Variants in MIB1 observed in about 807,000 individuals in gnomAD.
The protein encoded by MIB1 is MIB E3 ubiquitin protein ligase 1.
A neutral mutation model predicts 124.5 loss-of-function variants in MIB1; 278 were observed. The ratio of observed to expected loss-of-function variants is 2.23; its 90% CI spans 2.02 to 2.47. The LOEUF (loss-of-function observed/expected upper bound fraction) is 2.47. Ranked by LOEUF, MIB1 falls within the 30% of genes most tolerant of loss-of-function variation. The pLI, the probability that MIB1 is intolerant of heterozygous loss-of-function variation, is 0.00. For synonymous variants in MIB1, 446 were observed against 429.4 expected, an observed-to-expected ratio of 1.04 and a Z score of -0.48; for missense variants, 957 against 1,254.4, an observed-to-expected ratio of 0.76 and a Z score of 3.58.
chr18:21,788,740 T>C (rs2041467728), intron 6 of MIB1, among the ~76,000 whole-genome samples: 2 of 152,186 alleles, frequency 1.3e-5, no homozygotes, highest in Non-Finnish European at 2.9e-5. Context: ...ACAAAAGCTA[T>C]TGTAGCTAAT....
rs1161506223 is a variant in MIB1 at position 21,869,995 on chromosome 18, AT to A, written c.*5335del. The A allele has an allele frequency of 6.6e-5, 10 of 152,402 alleles. No individual in the cohort carries two copies. In the South Asian group the frequency reaches 2.1e-3, roughly 32 times the overall value. 9.4% of individuals were successfully genotyped at this position (152,402 alleles called of 1,614,324 possible). On this transcript the variant is annotated 3_prime_UTR_variant, in exon 21 of 21. Transcript: ENST00000261537. ...CAATTGACTCATAGCAGTGTTTTGT[AT>A]TTTTTCTAATTCTTTAGCTTTCAAT...
rs45471197 is a variant in MIB1 at position 21,746,410 on chromosome 18, G to A, written c.229+4598G>A. Among the ~76,000 whole-genome samples, 12 of 152,234 alleles carry A rather than the reference G, an allele frequency of 7.9e-5. No individual in the cohort carries two copies. The East Asian group carries it at 9.6e-4, about 12-fold the overall frequency. ...GGATAGTTAAACTTTGCAGAGAGGA[G>A]CATTTAGTATCTGTTTGAGTGATAT... On this transcript the variant is annotated intron_variant, in intron 1 of 20. Transcript: ENST00000261537.
chr18:21,728,501 A>C (rs949734698), intron 1 of MIB1, among the ~76,000 whole-genome samples: 3 of 152,220 alleles, frequency 2.0e-5, no homozygotes, highest in African/African-American at 4.8e-5. Context: ...CTCAAAAAAA[A>C]ACAAAAAACT....
At chr18:21,761,898 G>A (rs796279163) in intron 1 of MIB1, among the ~76,000 whole-genome samples, 14 of 151,770 alleles carry the variant, frequency 9.2e-5, no homozygotes, top group African/African-American at 3.4e-4. Context: ...CACACATGCC[G>A]ATGAGAGCAC....
chr18:21,717,465 A>G (rs1363482876), intron 1 of MIB1, among the ~76,000 whole-genome samples: 1 of 152,252 alleles, frequency 6.6e-6, no homozygotes, highest in Non-Finnish European at 1.5e-5. Context: ...GACAACCCAC[A>G]GAGTGGGAGA....
At position 21,838,352 on chromosome 18, in the gene MIB1, A is replaced by G; in HGVS notation, c.1830-13A>G. ...TTATGCAAATATAGAAATAATGTGA[A>G]TTTAACTTTCAGTGCAATGCGTGTT... On this transcript the variant is annotated splice_polypyrimidine_tract_variant and intron_variant, in intron 12 of 20. Coordinates refer to ENST00000261537, the MANE Select transcript of MIB1 (RefSeq NM_020774.4). The G allele has an allele frequency of 6.4e-7, 1 of 1,558,722 alleles. No homozygotes were observed. The highest frequency in any genetic ancestry group is 8.7e-7 in the Non-Finnish European group (1 of 1,150,388).
chr18:21,716,800 C>T (rs1287257356), intron 1 of MIB1, among the ~76,000 whole-genome samples: 1 of 151,926 alleles, frequency 6.6e-6, no homozygotes, highest in African/African-American at 2.4e-5. Flanking sequence ...TGCAGTGAGC[C>T]AAGATGGCGC....
At chr18:21,833,956 A>G (rs1440650314) in intron 12 of MIB1, among the ~76,000 whole-genome samples, 1 of 152,198 alleles carries the variant, frequency 6.6e-6, no homozygotes, top group African/African-American at 2.4e-5. Context: ...TCTAAATCTC[A>G]TATACTATGC....
At chr18:21,851,686 A>G (rs1394640350) in intron 17 of MIB1, among the ~76,000 whole-genome samples, 1 of 152,222 alleles carries the variant, frequency 6.6e-6, no homozygotes, top group Admixed American at 6.5e-5. Context: ...TAGCAAAAAT[A>G]CATTTTAAAA....
At chr18:21,850,658 T>C (rs1357303325) in intron 17 of MIB1, among the ~76,000 whole-genome samples, 1 of 152,202 alleles carries the variant, frequency 6.6e-6, no homozygotes, top group African/African-American at 2.4e-5. Flanking sequence ...CTTGATCAAT[T>C]CATAAAGCTG....
At position 21,819,499 on chromosome 18, in the gene MIB1, CTGAA is replaced by C; in HGVS notation, c.1683_1686del (p.Glu562ValfsTer9). On this transcript the variant is annotated frameshift_variant, in exon 12 of 21. Coordinates refer to ENST00000261537, the MANE Select transcript of MIB1 (RefSeq NM_020774.4). LOFTEE classifies it high-confidence loss of function. ...AAAATTTCTTTAAACTTAAAGGATT[CTGAA>C]GGTGATACCCCTCTTCATGATGCAA... The C allele has an allele frequency of 6.3e-7, 1 of 1,590,668 alleles. No homozygotes were observed. The highest frequency in any genetic ancestry group is 8.6e-7 in the Non-Finnish European group (1 of 1,165,458).
intron 8 of MIB1, among the ~76,000 whole-genome samples, chr18:21,798,775 T>C (rs2041615549): frequency 6.6e-6 from 1 of 152,116 alleles, no homozygotes; most frequent in African/African-American, 2.4e-5. Context: ...TAGTCTTTCT[T>C]TCCTGTGCTC....
rs111433074 is a variant in MIB1, at chr18:21,864,204, G to A, written c.2881-322G>A. Among the ~76,000 whole-genome samples the A allele has an allele frequency of 5.7e-4, 86 of 152,158 alleles. 1 individual carries two copies. Among genetic ancestry groups the A allele is most frequent in the African/African-American group, 1.9e-3 (77 of 41,522 alleles). On this transcript the variant is annotated intron_variant, in intron 20 of 20. Transcript: ENST00000261537. Reference sequence around the variant, plus strand: ...TGGCTTACTGCAATCTCTGCTGCCCGCGTTCAAGTGATTCTCGCGCCTCAG... The same window carrying A: ...TGGCTTACTGCAATCTCTGCTGCCCACGTTCAAGTGATTCTCGCGCCTCAG...
In MIB1 at chr18:21,838,490, TA is replaced by T; in HGVS notation, c.1956del (p.His653IlefsTer12). 1 of 1,594,424 alleles carries T rather than the reference TA, an allele frequency of 6.3e-7. No individual in the cohort carries two copies. Among genetic ancestry groups the T allele is most frequent in the South Asian group, 1.2e-5 (1 of 85,758 alleles). On this transcript the variant is annotated frameshift_variant, in exon 13 of 21. Coordinates refer to ENST00000261537, the MANE Select transcript of MIB1 (RefSeq NM_020774.4). LOFTEE classifies it high-confidence loss of function. ...NNHVEVAELL[V>X]HQGNANLDIQ... ...CACGTAGAAGTGGCTGAACTGTTGG[TA>T]CATCAGGTAAGAAAAGAGTTAAATA... is the stretch of plus-strand genomic sequence containing the variant.
chr18:21,821,397 C>T (rs2041876400), intron 12 of MIB1, among the ~76,000 whole-genome samples: 1 of 152,040 alleles, frequency 6.6e-6, no homozygotes, highest in Non-Finnish European at 1.5e-5. Context: ...CCTCAGCCCG[C>T]TTTGCCCATC....
At chr18:21,823,401 TAAA>T (rs757621455) in intron 12 of MIB1, among the ~76,000 whole-genome samples, 2 of 128,448 alleles carry the variant, frequency 1.6e-5, no homozygotes, top group Non-Finnish European at 3.4e-5. Context: ...ACCCTGTCTC[TAAA>T]AAAAAAAAAA....
intron 9 of MIB1, among the ~76,000 whole-genome samples, chr18:21,801,264 G>A (rs1051889216): frequency 1.3e-5 from 2 of 151,866 alleles, no homozygotes; most frequent in African/African-American, 4.8e-5. Context: ...ATACCTCACA[G>A]TGGAAGGTGA....
chr18:21,857,105 A>G (rs372099334), intron 18 of MIB1, 25 bp from the exon 19 acceptor site: 2 of 1,475,168 alleles, frequency 1.4e-6, no homozygotes, highest in Middle Eastern at 1.7e-4. Flanking sequence ...CTCTTGTAAG[A>G]AGTGTCTGTG....
intron 1 of MIB1, among the ~76,000 whole-genome samples, chr18:21,745,503 G>A (rs924438316): frequency 5.3e-5 from 8 of 152,118 alleles, no homozygotes; most frequent in Non-Finnish European, 1.5e-5. Flanking sequence ...ATGTACATGC[G>A]TGGTAAAAGT....
Sources: gnomAD v4.1 joint callset for allele counts (sites outside exome capture counted in the v4.1 genomes callset) on GRCh38, gnomAD v4.1.1 for gene constraint, MANE v1.5 for transcripts, NCBI Gene and HGNC (gene_info 2026-07-23, HGNC 2026-07-21) for gene names.